PES1: variants seen among roughly 807,000 people sequenced by gnomAD.
The protein encoded by PES1 is pescadillo homolog.
Under a neutral mutation model 77.1 loss-of-function variants are expected in PES1, and 31 were observed. The observed-to-expected ratio is 0.40, with a 90% confidence interval of 0.30 to 0.54. PES1 has a LOEUF of 0.54. Ranked by LOEUF, PES1 falls within the 20% of genes least tolerant of loss-of-function variation. The pLI, the probability that PES1 is intolerant of heterozygous loss-of-function variation, is 0.45. For synonymous variants in PES1, 282 were observed against 303.0 expected, an observed-to-expected ratio of 0.93 and a Z score of 0.72; for missense variants, 658 against 771.7, an observed-to-expected ratio of 0.85 and a Z score of 1.75.
intron 1 of PES1, among the ~76,000 whole-genome samples, chr22:30,590,385 G>A (rs958349987): frequency 6.6e-6 from 1 of 152,178 alleles, no homozygotes; most frequent in African/African-American, 2.4e-5. Context: ...CAGCTCTAAA[G>A]AGACAAACCT....
Position 30,588,642 on chromosome 22 carries a change from G to C in PES1, c.105-468C>G, listed in dbSNP as rs187921556. ...AAAAAAAAATACAAACATTAGCCAG[G>C]CACGGTCGCCAGCAACTGTAATCCT... On this transcript the variant is annotated intron_variant, in intron 2 of 14. Coordinates refer to ENST00000354694, the MANE Select transcript of PES1 (RefSeq NM_014303.4). Among the ~76,000 whole-genome samples the C allele has an allele frequency of 4.6e-5, 7 of 152,264 alleles. No individual in the cohort carries two copies. In the East Asian group the frequency reaches 1.2e-3, roughly 25 times the overall value.
At chr22:30,580,895 C>G (rs2086974413) in intron 9 of PES1, 117 bp downstream of exon 9, 2 of 1,181,014 alleles carry the variant, frequency 1.7e-6, no homozygotes, top group African/African-American at 3.0e-5. Flanking sequence ...CATTCTTCTG[C>G]TCAGTTGCTT....
intron 2 of PES1, among the ~76,000 whole-genome samples, chr22:30,600,948 A>G (rs935743650): frequency 2.0e-5 from 3 of 152,200 alleles, no homozygotes; most frequent in Non-Finnish European, 4.4e-5. Flanking sequence ...TCTCTCTCTT[A>G]AGGTAATCTC....
At chr22:30,598,010 A>C (rs963989029) in intron 2 of PES1, among the ~76,000 whole-genome samples, 3 of 150,886 alleles carry the variant, frequency 2.0e-5, no homozygotes, top group Admixed American at 2.0e-4. Flanking sequence ...CAGCCTCCCA[A>C]GTAGCTGGGA....
rs369464634 is a variant in PES1 at position 30,584,725 on chromosome 22, G to C, written c.369-8C>G. ...TCGATGAACGTGGGATACCTGCATG[G>C]CCAGTGAGGCAGCACATGGGGCCTG... is the stretch of plus-strand genomic sequence containing the variant. On this transcript the variant is annotated splice_region_variant and splice_polypyrimidine_tract_variant and intron_variant, in intron 4 of 14. Coordinates refer to ENST00000354694, the MANE Select transcript of PES1 (RefSeq NM_014303.4). 4 of 1,613,014 alleles carry C rather than the reference G, an allele frequency of 2.5e-6. No homozygotes were observed. In the African/African-American group the frequency reaches 5.3e-5, roughly 22 times the overall value.
chr22:30,587,934 G>T, intron 3 of PES1, 87 bp downstream of exon 3: 1 of 1,330,650 alleles, frequency 7.5e-7, no homozygotes. Flanking sequence ...ACTCAGAGAG[G>T]GTAGGCAATC....
upstream of PES1, among the ~76,000 whole-genome samples, chr22:30,596,179 A>C (rs2087249654): frequency 6.6e-6 from 1 of 152,158 alleles, no homozygotes; most frequent in African/African-American, 2.4e-5. Context: ...TTATTTTTCT[A>C]CCTGCTTTAA....
At chr22:30,601,339 G>A (rs1318280949) in intron 2 of PES1, among the ~76,000 whole-genome samples, 1 of 151,496 alleles carries the variant, frequency 6.6e-6, no homozygotes, top group Non-Finnish European at 1.5e-5. Flanking sequence ...TTTTAAGATG[G>A]AGTCTCAGTC....
At chr22:30,589,129 T>A (rs1366768236) in intron 2 of PES1, 62 bp downstream of exon 2, 3 of 1,232,894 alleles carry the variant, frequency 2.4e-6, no homozygotes, top group Non-Finnish European at 3.5e-6. Context: ...AAGACAGGGA[T>A]GCAGCTGAGT....
rs368961485 is a variant in PES1, at chr22:30,584,566, C to T, written c.520G>A (p.Ala174Thr). Residue 174 changes from alanine (A) to threonine (T), a missense_variant, in exon 5 of 15, where the codon GCT becomes ACT. Coordinates refer to ENST00000354694, the MANE Select transcript of PES1 (RefSeq NM_014303.4). ...LTVEFMHYII[A>T]ARALRKVFLS... ...CTCACCTTGCGCAGGGCACGGGCAG[C>T]GATAATGTAGTGCATGAACTCCACA... is the stretch of plus-strand genomic sequence containing the variant. 24 of 1,611,420 alleles carry T rather than the reference C, an allele frequency of 1.5e-5. No individual in the cohort carries two copies. The highest frequency in any genetic ancestry group is 8.0e-5 in the African/African-American group (6 of 74,826).
chr22:30,596,339 A>AGTGTGTGT (rs112899417), upstream of PES1, among the ~76,000 whole-genome samples: 578 of 149,766 alleles, frequency 3.9e-3, 5 homozygotes, highest in African/African-American at 0.011. Context: ...TGTTTTTTCA[A>AGTGTGTGT]GTGTGTGTGT....
intron 6 of PES1, among the ~76,000 whole-genome samples, chr22:30,583,841 TC>T (rs2087023147): frequency 6.6e-6 from 1 of 152,160 alleles, no homozygotes; most frequent in Non-Finnish European, 1.5e-5. Flanking sequence ...GTTCCCCTTC[TC>T]TCCCAGTCCC....
At chr22:30,601,734 G>T (rs570098755) in intron 2 of PES1, 3 of 151,810 alleles carry the variant, frequency 2.0e-5, no homozygotes, top group African/African-American at 7.2e-5. Context: ...GGATACCTTG[G>T]CTGCTTCCGG....
rs1025445193 is a variant in PES1, at chr22:30,587,034, C to T, written c.368+252G>A. ...CATGGGGCCTTTGCACTTGCCATGGCCTCTGCTTGGATTGTGCTTCCGCGG... is the reference window on the plus strand; with the variant it reads ...CATGGGGCCTTTGCACTTGCCATGGTCTCTGCTTGGATTGTGCTTCCGCGG... On this transcript the variant is annotated intron_variant, in intron 4 of 14. Coordinates refer to ENST00000354694, the MANE Select transcript of PES1 (RefSeq NM_014303.4). 2.3e-5 allele frequency: 11 copies of T among 469,148 alleles called. No individual in the cohort carries two copies. In the East Asian group the frequency reaches 4.0e-4, roughly 17 times the overall value. The allele number at this position is 469,148 out of a possible 1,614,324, so 29.1% of individuals were successfully genotyped here.
intron 2 of PES1, among the ~76,000 whole-genome samples, chr22:30,598,093 C>T (rs970485382): frequency 1.8e-4 from 28 of 152,024 alleles, no homozygotes; most frequent in South Asian, 6.2e-4. Flanking sequence ...CCGTTTTAGC[C>T]GGGATGGTCT....
chr22:30,579,388 C>G, intron 12 of PES1, 85 bp from the exon 13 acceptor site: 1 of 1,583,940 alleles, frequency 6.3e-7, no homozygotes, highest in East Asian at 2.2e-5. Context: ...CCCATCCTCT[C>G]TGACCCTGCC....
chr22:30,581,650 G>A lies in PES1; in HGVS notation c.631-6C>T, dbSNP rs753404459. ...TAGTCCACGTCTGTCGGGTGCTGGG[G>A]AACACAAGAGATGCATGAGCAGTGT... On this transcript the variant is annotated splice_region_variant and splice_polypyrimidine_tract_variant and intron_variant, in intron 6 of 14. Coordinates refer to ENST00000354694, the MANE Select transcript of PES1 (RefSeq NM_014303.4). The A allele has an allele frequency of 8.8e-6, 14 of 1,587,844 alleles. No individual in the cohort carries two copies. In the East Asian group the frequency reaches 2.5e-4, roughly 28 times the overall value.
At chr22:30,586,439 C>T (rs967475104) in intron 4 of PES1, among the ~76,000 whole-genome samples, 1 of 152,220 alleles carries the variant, frequency 6.6e-6, no homozygotes, top group Non-Finnish European at 1.5e-5. Flanking sequence ...GGCCATCAGC[C>T]TCCAAAGATG....
At chr22:30,584,794 C>A (rs2146468954) in intron 4 of PES1, 77 bp from the exon 5 acceptor site, 2 of 1,440,930 alleles carry the variant, frequency 1.4e-6, no homozygotes, top group African/African-American at 1.4e-5. Context: ...CTTATCCCAC[C>A]CCAGATGCCC....
Sources: allele counts gnomAD v4.1 joint callset (sites outside exome capture counted in the v4.1 genomes callset), GRCh38; gene constraint gnomAD v4.1.1; transcripts MANE v1.5; gene names NCBI Gene and HGNC (gene_info 2026-07-23, HGNC 2026-07-21).